NLGN1: variants seen among roughly 807,000 people sequenced by gnomAD.
NLGN1 encodes the protein neuroligin 1.
A neutral mutation model predicts 65.5 loss-of-function variants in NLGN1; 12 were observed. That is an observed-to-expected ratio of 0.18 (90% confidence interval 0.12 to 0.30). The LOEUF (loss-of-function observed/expected upper bound fraction) is 0.30, where lower values mean the gene tolerates loss of function less well. Among genes scored for constraint, NLGN1 ranks in the 10% least tolerant of loss-of-function variants. The pLI is 1.00. For synonymous variants in NLGN1, 350 were observed against 359.5 expected (o/e 0.97, Z 0.30); for missense variants, 750 against 1,007.1 (o/e 0.74, Z 3.46).
intron 2 of NLGN1, among the ~76,000 whole-genome samples, chr3:173,568,110 T>A (rs1450874360): frequency 6.6e-6 from 1 of 152,128 alleles, no homozygotes; most frequent in East Asian, 1.9e-4. Context: ...ACACTTAAAA[T>A]CTACTCTTGT....
chr3:173,883,446 G>C (rs145422517), intron 4 of NLGN1, among the ~76,000 whole-genome samples: 72 of 152,192 alleles, frequency 4.7e-4, no homozygotes, highest in African/African-American at 1.7e-3. Context: ...TAATGAAAAA[G>C]CTTGAAGTAT....
chr3:173,414,858 G>A lies in NLGN1; in HGVS notation c.-390+16371G>A, dbSNP rs537170530. The stretch of plus-strand genomic sequence containing the variant: ...GTGCAGCCTAGAATGACAGACAATA[G>A]GAATCAGATAAGAAAGCATCCTGAG... On this transcript the variant is annotated intron_variant, in intron 1 of 6. Coordinates refer to ENST00000457714, the Ensembl canonical transcript of NLGN1. 2.6e-5 allele frequency among the ~76,000 whole-genome samples: 4 copies of A among 152,284 alleles called. No individual in the cohort carries two copies. The South Asian group carries it at 6.2e-4, about 24-fold the overall frequency.
Position 173,990,185 on chromosome 3 carries a change from G to A in NLGN1, c.646+182353G>A, listed in dbSNP as rs114189222. 2.4e-3 allele frequency among the ~76,000 whole-genome samples: 360 copies of A among 152,212 alleles called. 1 individual carries two copies. The highest frequency in any genetic ancestry group is 7.0e-3 in the African/African-American group (291 of 41,538). Reference sequence around the variant, plus strand: ...GGCTTTACCCAAAATCTATTGATCAGGCATCTCTGGTGTTGAGGATCTTCA... The same window carrying A: ...GGCTTTACCCAAAATCTATTGATCAAGCATCTCTGGTGTTGAGGATCTTCA... On this transcript the variant is annotated intron_variant, in intron 4 of 6. Coordinates refer to ENST00000457714, the Ensembl canonical transcript of NLGN1.
intron 1 of NLGN1, chr3:173,399,624 C>T (rs1267191018): frequency 6.6e-6 from 1 of 152,180 alleles, no homozygotes; most frequent in Non-Finnish European, 1.5e-5. Context: ...TCCTGGATGA[C>T]TTTCTTGGAT....
chr3:173,591,275 A>G (rs1364529256), intron 2 of NLGN1, among the ~76,000 whole-genome samples: 2 of 152,048 alleles, frequency 1.3e-5, no homozygotes, highest in Non-Finnish European at 2.9e-5. Context: ...CATTATTTTG[A>G]ATTTTGTTAT....
At chr3:173,608,338 A>C (rs1374449056) in intron 3 of NLGN1, among the ~76,000 whole-genome samples, 4 of 151,862 alleles carry the variant, frequency 2.6e-5, no homozygotes, top group African/African-American at 7.2e-5. Context: ...TTTTATCCTT[A>C]CAAAATGGAA....
chr3:173,588,224 A>G (rs1747833054), intron 2 of NLGN1, among the ~76,000 whole-genome samples: 1 of 152,214 alleles, frequency 6.6e-6, no homozygotes, highest in Non-Finnish European at 1.5e-5. Flanking sequence ...ATAATTTAAA[A>G]CATCATGAGG....
In NLGN1 at chr3:174,115,436, C is replaced by T. The variant is rs543330597; in HGVS notation, c.647-159879C>T. On this transcript the variant is annotated intron_variant, in intron 4 of 6. Transcript: ENST00000457714. The stretch of plus-strand genomic sequence containing the variant: ...TATCCCTGGTTCTCCATGTCACTGA[C>T]TTCTGCATTACCCTAAGCAAATCTT... Among the ~76,000 whole-genome samples, 280 of 152,288 alleles carry T rather than the reference C, an allele frequency of 1.8e-3. 2 individuals are homozygous for T. Among genetic ancestry groups the T allele is most frequent in the Non-Finnish European group, 3.2e-3 (217 of 68,018 alleles).
At chr3:173,610,558 G>A (rs146843505) in intron 3 of NLGN1, among the ~76,000 whole-genome samples, 94 of 152,038 alleles carry the variant, frequency 6.2e-4, no homozygotes, top group African/African-American at 2.1e-3. Flanking sequence ...AAGACAACAA[G>A]GTTTAATTTA....
At chr3:173,509,541 A>T (rs1315991352) in intron 2 of NLGN1, among the ~76,000 whole-genome samples, 1 of 152,148 alleles carries the variant, frequency 6.6e-6, no homozygotes, top group African/African-American at 2.4e-5. Flanking sequence ...TGAGCTTGGG[A>T]AGTTGAAGCT....
Position 174,244,391 on chromosome 3 carries a change from A to G in NLGN1, c.647-30924A>G, listed in dbSNP as rs553665829. On this transcript the variant is annotated intron_variant, in intron 4 of 6. Transcript: ENST00000457714. ...TGAAATTTTAATTTGGGAAAACAGT[A>G]ATTAAGAATCTTTCCTCTCTTTACT... Among the ~76,000 whole-genome samples, 28 of 152,326 alleles carry G rather than the reference A, an allele frequency of 1.8e-4. No individual in the cohort carries two copies. In the East Asian group the frequency reaches 4.4e-3, roughly 24 times the overall value.
intron 4 of NLGN1, among the ~76,000 whole-genome samples, chr3:173,838,987 A>G (rs7619910): frequency 0.79 from 120,174 of 151,958 alleles, 48,610 homozygotes; most frequent in Non-Finnish European, 0.86. Context: ...TTTTATTCAG[A>G]AAGCCATTTT....
chr3:174,043,933 GACA>G (rs1732937191), intron 4 of NLGN1, among the ~76,000 whole-genome samples: 3 of 152,178 alleles, frequency 2.0e-5, no homozygotes, highest in Admixed American at 2.0e-4. Context: ...CTTCTACCTA[GACA>G]TCCAAGTATT....
chr3:173,708,033 C>T (rs1374557550), intron 3 of NLGN1, among the ~76,000 whole-genome samples: 2 of 152,138 alleles, frequency 1.3e-5, no homozygotes, highest in Non-Finnish European at 2.9e-5. Context: ...AGGTAAAGCT[C>T]CTTACAGTCA....
intron 4 of NLGN1, among the ~76,000 whole-genome samples, chr3:174,121,022 G>T (rs753557101): frequency 6.6e-6 from 1 of 152,144 alleles, no homozygotes; most frequent in Non-Finnish European, 1.5e-5. Flanking sequence ...CTAGTAGTCT[G>T]CAGCTTTCAA....
At chr3:173,951,140 T>C (rs1464836709) in intron 4 of NLGN1, among the ~76,000 whole-genome samples, 1 of 152,104 alleles carries the variant, frequency 6.6e-6, no homozygotes, top group Non-Finnish European at 1.5e-5. Context: ...GTGCTGGGAT[T>C]ACAGGCCAGA....
intron 3 of NLGN1, among the ~76,000 whole-genome samples, chr3:173,689,637 C>T (rs906763345): frequency 2.6e-5 from 4 of 152,084 alleles, no homozygotes; most frequent in Non-Finnish European, 5.9e-5. Flanking sequence ...TTGCAAGGCT[C>T]CCATGCGCTG....
At chr3:173,802,694 G>C (rs1411214810) in intron 3 of NLGN1, among the ~76,000 whole-genome samples, 1 of 152,112 alleles carries the variant, frequency 6.6e-6, no homozygotes, top group East Asian at 1.9e-4. Flanking sequence ...ACATCAGTCA[G>C]AAGTCAGGTC....
intron 4 of NLGN1, among the ~76,000 whole-genome samples, chr3:174,028,647 C>T (rs181846154): frequency 5.3e-5 from 8 of 152,056 alleles, no homozygotes; most frequent in Non-Finnish European, 8.8e-5. Context: ...AGGGAAGCAG[C>T]GTATAAAAGT....
Sources: allele counts gnomAD v4.1 joint callset (sites outside exome capture counted in the v4.1 genomes callset), GRCh38; gene constraint gnomAD v4.1.1; transcripts MANE v1.5; gene names NCBI Gene and HGNC (gene_info 2026-07-23, HGNC 2026-07-21).